ENTREP2: variants seen among roughly 807,000 people sequenced by gnomAD.
The protein encoded by ENTREP2 is protein ENTREP2.
At chr15:29,216,660 T>C in the ENTREP2 span, among the ~76,000 whole-genome samples, 1 of 152,228 alleles carries the variant, frequency 6.6e-6, no homozygotes, top group Non-Finnish European at 1.5e-5. Context: ...TTGCAAACAT[T>C]TAAAAATGAA....
chr15:29,569,664 A>G, the ENTREP2 span: 3 of 152,354 alleles, frequency 2.0e-5, no homozygotes, highest in Admixed American at 1.3e-4. Flanking sequence ...TAGGAAAAAA[A>G]CCGACTTTCA....
chr15:29,373,218 C>A, the ENTREP2 span, among the ~76,000 whole-genome samples: 1 of 151,854 alleles, frequency 6.6e-6, no homozygotes, highest in African/African-American at 2.4e-5. Context: ...GAGGTCCCCT[C>A]CAAGGAGGGA....
chr15:29,424,600 C>G, the ENTREP2 span, among the ~76,000 whole-genome samples: 1 of 152,118 alleles, frequency 6.6e-6, no homozygotes, highest in Non-Finnish European at 1.5e-5. Context: ...TGTAGTGACC[C>G]AACACCAGGT....
the ENTREP2 span, among the ~76,000 whole-genome samples, chr15:29,361,362 A>G: frequency 6.6e-6 from 1 of 152,344 alleles, no homozygotes; most frequent in East Asian, 1.9e-4. Context: ...GCAGCTGTGA[A>G]TACTTGTCTT....
chr15:29,437,612 C>T, the ENTREP2 span, among the ~76,000 whole-genome samples: 4 of 152,260 alleles, frequency 2.6e-5, no homozygotes, highest in Admixed American at 6.5e-5. Context: ...CTTCTCTTGT[C>T]GATTGTAATC....
chr15:29,404,333 A>T, the ENTREP2 span, among the ~76,000 whole-genome samples: 1 of 151,956 alleles, frequency 6.6e-6, no homozygotes, highest in Non-Finnish European at 1.5e-5. Flanking sequence ...GGTGACATGA[A>T]GGGAACCCCC....
the ENTREP2 span, among the ~76,000 whole-genome samples, chr15:29,141,820 G>A: frequency 1.3e-5 from 2 of 152,296 alleles, no homozygotes; most frequent in East Asian, 1.9e-4. Flanking sequence ...TGGAGCTCCC[G>A]CTCTGCGCTC....
the ENTREP2 span, among the ~76,000 whole-genome samples, chr15:29,594,034 TACAGAGG>T: frequency 6.6e-6 from 1 of 152,142 alleles, no homozygotes; most frequent in African/African-American, 2.4e-5. Context: ...GGATGAAGGG[TACAGAGG>T]ACCTTCCTGC....
chr15:29,140,905 CT>C, the ENTREP2 span, among the ~76,000 whole-genome samples: 4 of 152,372 alleles, frequency 2.6e-5, no homozygotes, highest in African/African-American at 7.2e-5. Flanking sequence ...ACACCTGTGT[CT>C]GGTGCCCAGC....
the ENTREP2 span, among the ~76,000 whole-genome samples, chr15:29,632,607 C>T: frequency 6.6e-6 from 1 of 152,008 alleles, no homozygotes; most frequent in Admixed American, 6.6e-5. Flanking sequence ...CATGGCAAAA[C>T]TCTGTTTCTA....
chr15:29,304,626 G>A, the ENTREP2 span, among the ~76,000 whole-genome samples: 3,883 of 152,218 alleles, frequency 0.026, 71 homozygotes, highest in Non-Finnish European at 0.036. Context: ...ATTAAGCCAG[G>A]CAATGACACT....
the ENTREP2 span, among the ~76,000 whole-genome samples, chr15:29,204,433 G>A: frequency 6.6e-6 from 1 of 152,196 alleles, no homozygotes; most frequent in Non-Finnish European, 1.5e-5. Flanking sequence ...GCAGGGCAGA[G>A]GGCTGGGAAG....
At chr15:29,278,685 G>T in the ENTREP2 span, among the ~76,000 whole-genome samples, 3 of 152,194 alleles carry the variant, frequency 2.0e-5, no homozygotes, top group African/African-American at 4.8e-5. Flanking sequence ...AGAGGAAAGG[G>T]AGAAGCACAG....
chr15:29,357,564 G>A, the ENTREP2 span, among the ~76,000 whole-genome samples: 22 of 152,282 alleles, frequency 1.4e-4, no homozygotes, highest in South Asian at 2.3e-3. Flanking sequence ...TCAGCCAGGC[G>A]TGGTGGCTCA....
the ENTREP2 span, among the ~76,000 whole-genome samples, chr15:29,442,644 G>C: frequency 6.6e-6 from 1 of 152,100 alleles, no homozygotes; most frequent in African/African-American, 2.4e-5. Context: ...TCATTCCCTC[G>C]AGAGCCCACC....
At chr15:29,456,944 G>T in the ENTREP2 span, among the ~76,000 whole-genome samples, 22 of 152,352 alleles carry the variant, frequency 1.4e-4, no homozygotes, top group East Asian at 4.0e-3. Context: ...TCTGATGGAA[G>T]ATCTTCAGTG....
At chr15:29,563,964 A>G in the ENTREP2 span, among the ~76,000 whole-genome samples, 1 of 152,114 alleles carries the variant, frequency 6.6e-6, no homozygotes, top group Non-Finnish European at 1.5e-5. Context: ...GTGTGCTCTC[A>G]TTTTCAGTAG....
At chr15:29,367,339 G>T in the ENTREP2 span, among the ~76,000 whole-genome samples, 7 of 152,162 alleles carry the variant, frequency 4.6e-5, no homozygotes. Flanking sequence ...GACCATTCTG[G>T]TGATTCCCTA....
At chr15:29,379,083 T>G in the ENTREP2 span, among the ~76,000 whole-genome samples, 41 of 152,344 alleles carry the variant, frequency 2.7e-4, no homozygotes, top group African/African-American at 9.1e-4. Flanking sequence ...CACTTCCGTC[T>G]GCAGTGCAGA....
Sources: allele counts gnomAD v4.1 joint callset (sites outside exome capture counted in the v4.1 genomes callset), GRCh38; gene constraint gnomAD v4.1.1; transcripts MANE v1.5; gene names NCBI Gene and HGNC (gene_info 2026-07-23, HGNC 2026-07-21).